KLHL1: variants seen among roughly 807,000 people sequenced by gnomAD.
The protein encoded by KLHL1 is kelch like family member 1, also known as kelch-like protein 1.
In KLHL1, 47 loss-of-function variants were observed where a neutral mutation model predicts 77.7. The ratio of observed to expected loss-of-function variants is 0.60; its 90% CI spans 0.48 to 0.77. The LOEUF (loss-of-function observed/expected upper bound fraction) is 0.77, where lower values mean the gene tolerates loss of function less well. KLHL1 is among the 30% of genes least tolerant of loss of function. The pLI is 0.00. For synonymous variants in KLHL1, 360 were observed against 325.2 expected, an observed-to-expected ratio of 1.11 and a Z score of -1.15; for missense variants, 925 against 910.8, an observed-to-expected ratio of 1.02 and a Z score of -0.20.
At chr13:70,024,097 A>G (rs1186365482) in intron 1 of KLHL1, among the ~76,000 whole-genome samples, 1 of 151,844 alleles carries the variant, frequency 6.6e-6, no homozygotes, top group Non-Finnish European at 1.5e-5. Context: ...AGATCAGAGG[A>G]GATCGGGCAC....
At chr13:69,733,067 T>A (rs2137917408) in intron 8 of KLHL1, among the ~76,000 whole-genome samples, 1 of 152,290 alleles carries the variant, frequency 6.6e-6, no homozygotes, top group Non-Finnish European at 1.5e-5. Flanking sequence ...GTTTTTTTAC[T>A]TACTCAACAA....
intron 1 of KLHL1, among the ~76,000 whole-genome samples, chr13:69,995,280 T>A (rs1009276230): frequency 6.6e-6 from 1 of 152,066 alleles, no homozygotes; most frequent in Non-Finnish European, 1.5e-5. Flanking sequence ...GGTAGAGTGT[T>A]GATTTACGTG....
At position 69,863,837 on chromosome 13, in the gene KLHL1, T is replaced by G. The variant is rs181074110; in HGVS notation, c.1227+18446A>C. Among the ~76,000 whole-genome samples the G allele has an allele frequency of 1.0e-3, 155 of 152,176 alleles. 1 individual carries two copies. The highest frequency in any genetic ancestry group is 2.0e-3 in the Non-Finnish European group (138 of 67,956). On this transcript the variant is annotated intron_variant, in intron 5 of 10. Coordinates refer to ENST00000377844, the MANE Select transcript of KLHL1 (RefSeq NM_020866.3). ...TTTCAACTTAACTGTCAGTAATAAT[T>G]CTTTCTCACTAATATTTTAATAATT...
chr13:70,031,509 T>G (rs574985527), intron 1 of KLHL1, among the ~76,000 whole-genome samples: 1 of 152,312 alleles, frequency 6.6e-6, no homozygotes, highest in South Asian at 2.1e-4. Context: ...AGAAAAATAT[T>G]TTTTCTTCCC....
At chr13:69,711,888 T>C (rs549663270) in intron 9 of KLHL1, among the ~76,000 whole-genome samples, 81 of 152,288 alleles carry the variant, frequency 5.3e-4, no homozygotes, top group African/African-American at 1.8e-3. Context: ...ATGTGTATTA[T>C]GTGCTTTTTC....
intron 7 of KLHL1, among the ~76,000 whole-genome samples, chr13:69,752,226 A>T (rs17085319): frequency 0.055 from 8,329 of 152,192 alleles, 318 homozygotes; most frequent in African/African-American, 0.11. Context: ...TTCAGTCTAT[A>T]GTATCACTGT....
chr13:69,990,654 C>T (rs1351725326), intron 1 of KLHL1, among the ~76,000 whole-genome samples: 1 of 151,962 alleles, frequency 6.6e-6, no homozygotes. Context: ...AACACAGGTA[C>T]ACTGATTCAT....
rs138037051 is a variant in KLHL1 at position 69,754,062 on chromosome 13, G to A, written c.1640-13506C>T. On this transcript the variant is annotated intron_variant, in intron 7 of 10. Coordinates refer to ENST00000377844, the MANE Select transcript of KLHL1 (RefSeq NM_020866.3). ...TACCTTTGTTGCCCAGGATGGTCTC[G>A]AACTCCTGGGCTCAAGCAATCCACC... 1.4e-3 allele frequency among the ~76,000 whole-genome samples: 213 copies of A among 151,544 alleles called. 3 individuals are homozygous for A. In the East Asian group the frequency reaches 0.033, roughly 24 times the overall value.
intron 1 of KLHL1, among the ~76,000 whole-genome samples, chr13:70,018,114 G>GAAATC (rs1885704563): frequency 6.6e-6 from 1 of 152,028 alleles, no homozygotes; most frequent in Non-Finnish European, 1.5e-5. Flanking sequence ...ATAAGATATT[G>GAAATC]AAATCTACGA....
In KLHL1 at chr13:70,038,636, T is replaced by G. The variant is rs909071428; in HGVS notation, c.498-62834A>C. On this transcript the variant is annotated intron_variant, in intron 1 of 10. Coordinates refer to ENST00000377844, the MANE Select transcript of KLHL1 (RefSeq NM_020866.3). The stretch of plus-strand genomic sequence containing the variant: ...AGAGTCTCATTCTTGTCGCTCAGGG[T>G]GGAGTGTGCAATGATGCGATCTCAG... Among the ~76,000 whole-genome samples the G allele has an allele frequency of 1.9e-4, 23 of 123,904 alleles. No individual in the cohort carries two copies. The Admixed American group carries it at 2.2e-3, about 12-fold the overall frequency. 81.3% of individuals were successfully genotyped at this position (123,904 alleles called of 152,430 possible). A position where few individuals can be genotyped will look rare whatever the true frequency, so the allele number is the denominator to read the frequency against.
chr13:69,858,891 A>G (rs952525247), intron 5 of KLHL1, among the ~76,000 whole-genome samples: 1 of 152,110 alleles, frequency 6.6e-6, no homozygotes, highest in Non-Finnish European at 1.5e-5. Context: ...TAGAATACAA[A>G]GTAATAATAC....
At chr13:69,852,006 T>C (rs1247482381) in intron 5 of KLHL1, among the ~76,000 whole-genome samples, 1 of 151,904 alleles carries the variant, frequency 6.6e-6, no homozygotes, top group Non-Finnish European at 1.5e-5. Flanking sequence ...TCAAACCATC[T>C]TGTTATGAGT....
chr13:70,090,578 G>C (rs1887648911), intron 1 of KLHL1, among the ~76,000 whole-genome samples: 1 of 151,970 alleles, frequency 6.6e-6, no homozygotes, highest in South Asian at 2.1e-4. Context: ...ACAATTTAAA[G>C]CTGGCTATAA....
intron 5 of KLHL1, among the ~76,000 whole-genome samples, chr13:69,879,420 A>G (rs183383921): frequency 1.3e-5 from 2 of 152,108 alleles, no homozygotes; most frequent in East Asian, 1.9e-4. Context: ...CACATATTCT[A>G]TCTTCTCTTG....
At chr13:69,755,151 C>G (rs1443063539) in intron 7 of KLHL1, among the ~76,000 whole-genome samples, 1 of 152,142 alleles carries the variant, frequency 6.6e-6, no homozygotes. Flanking sequence ...GAGTCATCCT[C>G]TTGGTTATGA....
chr13:70,070,516 A>T (rs1250137398), intron 1 of KLHL1, among the ~76,000 whole-genome samples: 1 of 151,706 alleles, frequency 6.6e-6, no homozygotes, highest in Admixed American at 6.6e-5. Context: ...CCCTAGAGAA[A>T]TTATCCTTCA....
At chr13:69,725,706 G>T (rs1168615631) in intron 8 of KLHL1, among the ~76,000 whole-genome samples, 3 of 152,240 alleles carry the variant, frequency 2.0e-5, no homozygotes, top group Non-Finnish European at 2.9e-5. Flanking sequence ...TTAGCAAGTA[G>T]AAAGAAAAGC....
At chr13:69,859,994 C>G (rs1369941231) in intron 5 of KLHL1, among the ~76,000 whole-genome samples, 1 of 151,962 alleles carries the variant, frequency 6.6e-6, no homozygotes, top group African/African-American at 2.4e-5. Context: ...ATGATACCAT[C>G]CCTGACTTAT....
intron 7 of KLHL1, among the ~76,000 whole-genome samples, chr13:69,782,279 G>A (rs140060159): frequency 1.4e-4 from 22 of 152,310 alleles, no homozygotes; most frequent in African/African-American, 4.3e-4. Context: ...CTGAGGTACC[G>A]GGTTCATCTC....
Sources: allele counts gnomAD v4.1 joint callset (sites outside exome capture counted in the v4.1 genomes callset), GRCh38; gene constraint gnomAD v4.1.1; transcripts MANE v1.5; gene names NCBI Gene and HGNC (gene_info 2026-07-23, HGNC 2026-07-21).